Variants in RPS6KC1 observed in about 807,000 individuals in gnomAD.
RPS6KC1 encodes ribosomal protein S6 kinase C1.
RPS6KC1 carries 54 observed loss-of-function variants against 103.8 expected under a neutral mutation model. The observed-to-expected ratio is 0.52, with a 90% CI of 0.42 to 0.65. The LOEUF (loss-of-function observed/expected upper bound fraction) is 0.65, where lower values mean the gene tolerates loss of function less well. Ranked by LOEUF, RPS6KC1 falls within the 30% of genes least tolerant of loss-of-function variation. RPS6KC1 has a pLI of 0.00. For synonymous variants in RPS6KC1, 439 were observed against 438.7 expected, an observed-to-expected ratio of 1.00 and a Z score of -0.01; for missense variants, 1,151 against 1,253.8, an observed-to-expected ratio of 0.92 and a Z score of 1.24.
rs901959285 is a variant in RPS6KC1, at chr1:213,083,727, G to T, written c.262+5911G>T. On this transcript the variant is annotated intron_variant, in intron 3 of 14. Transcript: ENST00000366960. Reference sequence around the variant, plus strand: ...GCCAAAGAGAGGTCTGTGTTGGCCAGCTTCCAAGATGGCCCCCAGTGGTCC... The same window carrying T: ...GCCAAAGAGAGGTCTGTGTTGGCCATCTTCCAAGATGGCCCCCAGTGGTCC... 2.0e-5 allele frequency among the ~76,000 whole-genome samples: 3 copies of T among 152,146 alleles called. 1 individual carries two copies. The highest frequency in any genetic ancestry group is 7.2e-5 in the African/African-American group (3 of 41,430).
At chr1:213,468,524 G>A in the RPS6KC1 span, among the ~76,000 whole-genome samples, 1 of 152,156 alleles carries the variant, frequency 6.6e-6, no homozygotes, top group African/African-American at 2.4e-5. Flanking sequence ...GGGTTAAATA[G>A]ATCAGTTTCT....
At chr1:213,268,846 A>C (rs138538318) in intron 14 of RPS6KC1, among the ~76,000 whole-genome samples, 1 of 152,150 alleles carries the variant, frequency 6.6e-6, no homozygotes, top group Non-Finnish European at 1.5e-5. Flanking sequence ...CCACTTAAAA[A>C]AAAACCTAAA....
At chr1:213,279,706 G>T (rs2095118948), downstream of RPS6KC1, among the ~76,000 whole-genome samples, 3 of 152,138 alleles carry the variant, frequency 2.0e-5, no homozygotes, top group Admixed American at 6.5e-5. Flanking sequence ...TCAAAAAGTG[G>T]TCCCCAATCT....
At chr1:213,325,569 C>T in the RPS6KC1 span, among the ~76,000 whole-genome samples, 27 of 152,216 alleles carry the variant, frequency 1.8e-4, no homozygotes, top group Non-Finnish European at 3.8e-4. Flanking sequence ...CCCTTGCCCC[C>T]GGAGATGTTG....
chr1:213,730,360 A>G, the RPS6KC1 span, among the ~76,000 whole-genome samples: 1 of 152,206 alleles, frequency 6.6e-6, no homozygotes, highest in East Asian at 1.9e-4. Context: ...TGTCTTCCAC[A>G]ATGGTTGAAC....
rs558765033 is a variant in RPS6KC1 at position 213,229,235 on chromosome 1, G to C, written c.1045-1262G>C. Among the ~76,000 whole-genome samples, 7 of 152,138 alleles carry C rather than the reference G, an allele frequency of 4.6e-5. No homozygotes were observed. In the South Asian group the frequency reaches 1.5e-3, roughly 32 times the overall value. On this transcript the variant is annotated intron_variant, in intron 8 of 14. Coordinates refer to ENST00000366960, the MANE Select transcript of RPS6KC1 (RefSeq NM_012424.6). Reference sequence around the variant, plus strand: ...TTTTTCAACTTTAATATCTAAAATGGAATTTTCCATCTTCTCGAACTGGTT... The same window carrying C: ...TTTTTCAACTTTAATATCTAAAATGCAATTTTCCATCTTCTCGAACTGGTT...
intron 6 of RPS6KC1, among the ~76,000 whole-genome samples, chr1:213,165,824 T>A (rs994982229): frequency 6.6e-6 from 1 of 152,178 alleles, no homozygotes; most frequent in African/African-American, 2.4e-5. Context: ...CCCAAAGTGT[T>A]GGGATTATAG....
At chr1:213,284,240 GAC>G in the RPS6KC1 span, among the ~76,000 whole-genome samples, 1 of 152,236 alleles carries the variant, frequency 6.6e-6, no homozygotes, top group East Asian at 1.9e-4. Flanking sequence ...GAATAGGCTG[GAC>G]ACACTGGCCC....
At chr1:213,108,664 T>C (rs959215099) in intron 4 of RPS6KC1, among the ~76,000 whole-genome samples, 1 of 151,576 alleles carries the variant, frequency 6.6e-6, no homozygotes, top group Non-Finnish European at 1.5e-5. Context: ...TTTTTTTTTT[T>C]TTTTTAAAGA....
chr1:213,174,970 TAA>T (rs949573375), intron 7 of RPS6KC1, among the ~76,000 whole-genome samples: 2 of 152,178 alleles, frequency 1.3e-5, no homozygotes, highest in East Asian at 1.9e-4. Context: ...TCTTTAGAAA[TAA>T]AAAGTCTCTT....
At chr1:213,085,729 A>G (rs1053211197) in intron 3 of RPS6KC1, among the ~76,000 whole-genome samples, 1 of 151,864 alleles carries the variant, frequency 6.6e-6, no homozygotes, top group Non-Finnish European at 1.5e-5. Context: ...GTGTCTGTAT[A>G]TCTATATATT....
At chr1:213,548,098 CA>C in the RPS6KC1 span, among the ~76,000 whole-genome samples, 1 of 152,126 alleles carries the variant, frequency 6.6e-6, no homozygotes, top group East Asian at 1.9e-4. Flanking sequence ...ATTAAATTTG[CA>C]ATTAAATAGA....
intron 12 of RPS6KC1, among the ~76,000 whole-genome samples, chr1:213,258,959 G>A (rs1214444358): frequency 1.3e-5 from 2 of 152,122 alleles, no homozygotes; most frequent in Non-Finnish European, 2.9e-5. Context: ...CATTATTTTA[G>A]AGAATCCTTG....
chr1:213,504,820 T>C, the RPS6KC1 span, among the ~76,000 whole-genome samples: 1 of 152,190 alleles, frequency 6.6e-6, no homozygotes, highest in Non-Finnish European at 1.5e-5. Flanking sequence ...TAATAATCTT[T>C]AGAGATCTGC....
chr1:213,501,732 C>CAAAAAAA, the RPS6KC1 span, among the ~76,000 whole-genome samples: 1 of 127,022 alleles, frequency 7.9e-6, no homozygotes, highest in African/African-American at 3.0e-5. Flanking sequence ...GAGAGTCCAT[C>CAAAAAAA]AAAAAAAAAA....
the RPS6KC1 span, among the ~76,000 whole-genome samples, chr1:213,507,948 A>G: frequency 6.6e-6 from 1 of 152,218 alleles, no homozygotes; most frequent in African/African-American, 2.4e-5. Context: ...TTATTATTCA[A>G]ATCAGCAGCG....
At chr1:213,782,611 C>A in the RPS6KC1 span, among the ~76,000 whole-genome samples, 2 of 151,246 alleles carry the variant, frequency 1.3e-5, no homozygotes, top group East Asian at 3.9e-4. Context: ...TGTAGGAAAA[C>A]AAAGGCAACA....
the RPS6KC1 span, among the ~76,000 whole-genome samples, chr1:213,788,305 T>A: frequency 6.6e-6 from 1 of 152,144 alleles, no homozygotes; most frequent in Non-Finnish European, 1.5e-5. Flanking sequence ...TGTTCTTCCG[T>A]GGTGCAGTAA....
the RPS6KC1 span, chr1:213,840,456 G>C: frequency 1.3e-5 from 2 of 152,172 alleles, no homozygotes; most frequent in African/African-American, 4.8e-5. Flanking sequence ...TTCAAAACAG[G>C]TTATATTTAT....
Sources: allele counts gnomAD v4.1 joint callset (sites outside exome capture counted in the v4.1 genomes callset), GRCh38; gene constraint gnomAD v4.1.1; transcripts MANE v1.5; gene names NCBI Gene and HGNC (gene_info 2026-07-23, HGNC 2026-07-21).